The following ATP8B1 variants were observed in gnomAD, a reference collection of about 807,000 sequenced individuals.
ATP8B1 encodes the protein phospholipid-transporting ATPase IC.
In ATP8B1, 80 loss-of-function variants were observed where a neutral mutation model predicts 149.9. The observed-to-expected ratio is 0.53, with a 90% CI of 0.45 to 0.64. The LOEUF (loss-of-function observed/expected upper bound fraction) is 0.64. Among genes scored for constraint, ATP8B1 ranks in the 30% least tolerant of loss-of-function variants. ATP8B1 has a pLI of 0.00. For missense variants in ATP8B1, 1,247 were observed against 1,552.6 expected (o/e 0.80, Z 3.31); for synonymous variants, 536 against 562.8 (o/e 0.95, Z 0.67).
chr18:57,668,245 C>G (rs1380976150), intron 19 of ATP8B1, 184 bp downstream of exon 19: 2 of 1,413,368 alleles, frequency 1.4e-6, no homozygotes, highest in Non-Finnish European at 9.5e-7. Context: ...TGAGGGGGAT[C>G]AGGAAAGGAT....
intron 1 of ATP8B1, among the ~76,000 whole-genome samples, chr18:57,783,857 A>G (rs2080380964): frequency 6.6e-6 from 1 of 152,060 alleles, no homozygotes; most frequent in Admixed American, 6.6e-5. Flanking sequence ...AAAATAATAA[A>G]GGAAATTAAG....
intron 13 of ATP8B1, among the ~76,000 whole-genome samples, chr18:57,685,748 A>G (rs1352843456): frequency 6.6e-6 from 1 of 151,518 alleles, no homozygotes; most frequent in Non-Finnish European, 1.5e-5. Context: ...CTTGGCTAGC[A>G]TGGTGAAACT....
At chr18:57,678,598 A>AG (rs2122775533) in intron 15 of ATP8B1, among the ~76,000 whole-genome samples, 1 of 133,640 alleles carries the variant, frequency 7.5e-6, no homozygotes, top group South Asian at 2.8e-4. Context: ...AAAAAAAAAA[A>AG]AGAAGAGAAA....
chr18:57,799,076 A>G (rs2080547644), intron 1 of ATP8B1, among the ~76,000 whole-genome samples: 1 of 152,198 alleles, frequency 6.6e-6, no homozygotes, highest in South Asian at 2.1e-4. Flanking sequence ...TACCTAAGCT[A>G]TCTCATTTGG....
intron 11 of ATP8B1, among the ~76,000 whole-genome samples, chr18:57,692,778 A>G (rs1912607906): frequency 2.0e-5 from 3 of 152,124 alleles, no homozygotes; most frequent in Admixed American, 2.0e-4. Flanking sequence ...TTGGGCGATT[A>G]TTCCTTAAGG....
intron 22 of ATP8B1, 24 bp from the exon 23 acceptor site, chr18:57,655,441 C>CA (rs778003656): frequency 6.2e-7 from 1 of 1,603,578 alleles, no homozygotes; most frequent in Non-Finnish European, 8.5e-7. Flanking sequence ...GGAGAAAACA[C>CA]TGTGGATCAT....
At chr18:57,727,426 G>A (rs190837247) in intron 2 of ATP8B1, among the ~76,000 whole-genome samples, 100 of 152,230 alleles carry the variant, frequency 6.6e-4, no homozygotes, top group African/African-American at 2.3e-3. Context: ...CTGTGTTTTG[G>A]TTCCAACTAA....
At chr18:57,662,236 A>G (rs746638390) in intron 21 of ATP8B1, among the ~76,000 whole-genome samples, 3 of 152,236 alleles carry the variant, frequency 2.0e-5, no homozygotes, top group Non-Finnish European at 2.9e-5. Flanking sequence ...AGAAAATCTA[A>G]CAATCTATAA....
At chr18:57,753,845 T>C (rs1179960630) in intron 1 of ATP8B1, among the ~76,000 whole-genome samples, 3 of 150,390 alleles carry the variant, frequency 2.0e-5, no homozygotes, top group Non-Finnish European at 4.4e-5. Context: ...GGAGAATTGC[T>C]TGAACCTGGG....
intron 1 of ATP8B1, among the ~76,000 whole-genome samples, chr18:57,758,682 T>C (rs2080111289): frequency 6.6e-6 from 1 of 151,942 alleles, no homozygotes; most frequent in Non-Finnish European, 1.5e-5. Flanking sequence ...TAGTTGTATT[T>C]TTCCTTATGT....
intron 12 of ATP8B1, among the ~76,000 whole-genome samples, chr18:57,689,275 G>A (rs1912411445): frequency 6.6e-6 from 1 of 152,166 alleles, no homozygotes. Context: ...CAGAGGGAGT[G>A]AGAGTACCCT....
Position 57,661,776 on chromosome 18 carries a change from A to G in ATP8B1, c.2419-314T>C, listed in dbSNP as rs1239701342. On this transcript the variant is annotated intron_variant, in intron 21 of 27. Coordinates refer to ENST00000648908, the MANE Select transcript of ATP8B1 (RefSeq NM_001374385.1). ...TGTTGCCAGGCTGGAATGCAGTGGC[A>G]CGATCTCGGCTCACTGTAACCTCTG... Among the ~76,000 whole-genome samples, 3 of 144,288 alleles carry G rather than the reference A, an allele frequency of 2.1e-5. No homozygotes were observed. The South Asian group carries it at 6.5e-4, about 31-fold the overall frequency. 94.7% of individuals were successfully genotyped at this position (144,288 alleles called of 152,430 possible).
intron 14 of ATP8B1, 54 bp from the exon 15 acceptor site, chr18:57,684,246 A>G: frequency 6.5e-7 from 1 of 1,545,894 alleles, no homozygotes; most frequent in South Asian, 1.2e-5. Context: ...TTTTGACTTA[A>G]CAAATGACAT....
intron 4 of ATP8B1, 129 bp from the exon 5 acceptor site, chr18:57,701,442 G>T: frequency 1.2e-6 from 1 of 823,126 alleles, no homozygotes; most frequent in Non-Finnish European, 2.1e-6. Flanking sequence ...ACATCCTGCA[G>T]AGTATATAGG....
Position 57,697,661 on chromosome 18 carries a change from C to T in ATP8B1, c.655G>A (p.Glu219Lys). Reference sequence around the variant, plus strand: ...TCCACATAGCAGAGGCTGTTAGGCTCAGAGCTAGACAGCAGGAGAATGTCA... The same window carrying T: ...TCCACATAGCAGAGGCTGTTAGGCTTAGAGCTAGACAGCAGGAGAATGTCA... ...PADILLLSSS[E>K]PNSLCYVETA... is the part of the protein sequence containing the mutation. The change falls in exon 8 of 28, where the codon GAG becomes AAG. Residue 219 changes from glutamate (E) to lysine (K), a missense_variant. This residue lies in a region of ATP8B1 where 853 missense variants were observed against 1,035.7 expected (regional missense o/e 0.82). Coordinates refer to ENST00000648908, the MANE Select transcript of ATP8B1 (RefSeq NM_001374385.1). 6.2e-7 allele frequency: 1 copy of T among 1,613,966 alleles called. No individual in the cohort carries two copies. Among genetic ancestry groups the T allele is most frequent in the Non-Finnish European group, 8.5e-7 (1 of 1,180,008 alleles).
At position 57,689,976 on chromosome 18, in the gene ATP8B1, A is replaced by G. The variant is rs1486783211; in HGVS notation, c.1221-1469T>C. On this transcript the variant is annotated intron_variant, in intron 12 of 27. Coordinates refer to ENST00000648908, the MANE Select transcript of ATP8B1 (RefSeq NM_001374385.1). ...GGTTGCAGTGAGCTGAGATCGCGCGACTGCACTCCAGCCTGGGAAACAGAG... is the reference window on the plus strand; with the variant it reads ...GGTTGCAGTGAGCTGAGATCGCGCGGCTGCACTCCAGCCTGGGAAACAGAG... Among the ~76,000 whole-genome samples the G allele has an allele frequency of 8.3e-4, 126 of 152,364 alleles. 1 individual carries two copies. The highest frequency in any genetic ancestry group is 1.5e-5 in the Non-Finnish European group (1 of 68,032).
Position 57,688,436 on chromosome 18 carries a change from T to C in ATP8B1, c.1292A>G (p.Asp431Gly). 6 of 1,614,182 alleles carry C rather than the reference T, an allele frequency of 3.7e-6. No individual in the cohort carries two copies. Among genetic ancestry groups the C allele is most frequent in the Non-Finnish European group, 5.1e-6 (6 of 1,180,048 alleles). The part of the protein sequence containing the change: ...WDLQMYYAEK[D>G]TPAKARTTTL... ...GGTGGTTCTAGCTTTTGCGGGTGTG[T>C]CCTTCTCAGCATAGTACATTTGCAG... Residue 431 changes from aspartate (D) to glycine (G), a missense_variant, in exon 13 of 28, where the codon GAC becomes GGC. By Grantham distance (94) the Asp-to-Gly change is moderately conservative (BLOSUM62 -1). Around this residue, in one of 3 missense-constraint regions of ATP8B1, gnomAD observed 853 missense variants for 1,035.7 expected, o/e 0.82. Transcript: ENST00000648908.
At chr18:57,670,420 C>T (rs535784018) in intron 17 of ATP8B1, among the ~76,000 whole-genome samples, 3 of 147,876 alleles carry the variant, frequency 2.0e-5, no homozygotes, top group Admixed American at 6.9e-5. Context: ...GGTGCGATCT[C>T]GGTTCACTGC....
chr18:57,725,920 G>T lies in ATP8B1; in HGVS notation c.181+5707C>A, dbSNP rs181996328. 1.2e-4 allele frequency among the ~76,000 whole-genome samples: 19 copies of T among 152,302 alleles called. 1 individual carries two copies. In the East Asian group the frequency reaches 3.7e-3, roughly 29 times the overall value. On this transcript the variant is annotated intron_variant, in intron 2 of 27. Coordinates refer to ENST00000648908, the MANE Select transcript of ATP8B1 (RefSeq NM_001374385.1). Reference sequence around the variant, plus strand: ...ACTTAAATCTAAGACCTCAAACTATGAAACTACTCCAAGAAAACCCTGGGG... The same window carrying T: ...ACTTAAATCTAAGACCTCAAACTATTAAACTACTCCAAGAAAACCCTGGGG...
Sources: allele counts gnomAD v4.1 joint callset (sites outside exome capture counted in the v4.1 genomes callset), GRCh38; gene constraint gnomAD v4.1.1; regional missense constraint gnomAD v4.1.1; transcripts MANE v1.5; gene names NCBI Gene and HGNC (gene_info 2026-07-23, HGNC 2026-07-21).